The following DNAAF9 variants were observed in gnomAD, a reference collection of about 807,000 sequenced individuals.
DNAAF9 encodes shulin.
A neutral mutation model predicts 167.0 loss-of-function variants in DNAAF9; 90 were observed. The observed-to-expected ratio is 0.54, with a 90% confidence interval of 0.45 to 0.64. The LOEUF is 0.64. Among genes scored for constraint, DNAAF9 ranks in the 30% least tolerant of loss-of-function variants. DNAAF9 has a pLI of 0.00. For missense variants in DNAAF9, 1,315 were observed against 1,442.2 expected (o/e 0.91, Z 1.43); for synonymous variants, 491 against 508.8 (o/e 0.96, Z 0.47).
At chr20:3,378,903 C>T (rs1182317706) in intron 3 of DNAAF9, among the ~76,000 whole-genome samples, 1 of 148,442 alleles carries the variant, frequency 6.7e-6, no homozygotes, top group Non-Finnish European at 1.5e-5. Context: ...CCAGGGAACA[C>T]AGGATGTAGC....
In DNAAF9 at chr20:3,387,884, T is replaced by TAAAAAAAAAAA. The variant is rs557861791; in HGVS notation, c.84-5389_84-5379dup. On this transcript the variant is annotated intron_variant, in intron 1 of 36. Coordinates refer to ENST00000252032, the MANE Select transcript of DNAAF9 (RefSeq NM_001009984.3). ...AGGGAGACCCTGTCTCTACAAAAAG[T>TAAAAAAAAAAA]AAAAAAAAAAAAAAAAAAAAAAAAA... 1.5e-3 allele frequency among the ~76,000 whole-genome samples: 128 copies of TAAAAAAAAAAA among 87,356 alleles called. 4 individuals carry two copies. The highest frequency in any genetic ancestry group is 1.8e-3 in the Non-Finnish European group (83 of 46,748). 57.3% of individuals were successfully genotyped at this position (87,356 alleles called of 152,430 possible).
At chr20:3,281,558 A>G in intron 28 of DNAAF9, 83 bp downstream of exon 28, 1 of 1,327,684 alleles carries the variant, frequency 7.5e-7, no homozygotes, top group Non-Finnish European at 1.0e-6. Context: ...AAGGTGACTA[A>G]TGCATTCCAA....
intron 20 of DNAAF9, among the ~76,000 whole-genome samples, chr20:3,308,564 G>A (rs369384436): frequency 7.2e-5 from 11 of 151,914 alleles, no homozygotes; most frequent in Middle Eastern, 3.4e-3. Context: ...GGCTAGTCTC[G>A]AACTCCTGAC....
chr20:3,268,920 T>A (rs9784197), intron 30 of DNAAF9, among the ~76,000 whole-genome samples: 2 of 126,952 alleles, frequency 1.6e-5, no homozygotes, highest in African/African-American at 6.0e-5. Flanking sequence ...TTTTTTTTTT[T>A]TGAGACAGAG....
At chr20:3,281,881 G>C in intron 27 of DNAAF9, 115 bp from the exon 28 acceptor site, 2 of 996,868 alleles carry the variant, frequency 2.0e-6, no homozygotes, top group Admixed American at 4.8e-5. Context: ...AAAAGGAAGA[G>C]CCCGCAATCT....
rs2069112732 is a variant in DNAAF9 at position 3,298,009 on chromosome 20, T to G, written c.1929+20A>C. Reference sequence around the variant, plus strand: ...GAAAAAAAAGTAGTAGTAGTTTTGCTGAATAATGACTGATATTACCTCTGA... The same window carrying G: ...GAAAAAAAAGTAGTAGTAGTTTTGCGGAATAATGACTGATATTACCTCTGA... On this transcript the variant is annotated intron_variant, in intron 22 of 36. Transcript: ENST00000252032. 1 of 1,599,220 alleles carries G rather than the reference T, an allele frequency of 6.3e-7. No homozygotes were observed. Among genetic ancestry groups the G allele is most frequent in the Non-Finnish European group, 8.6e-7 (1 of 1,167,660 alleles).
chr20:3,291,375 C>T (rs1196601777), intron 25 of DNAAF9, among the ~76,000 whole-genome samples: 31 of 144,976 alleles, frequency 2.1e-4, no homozygotes, highest in Non-Finnish European at 3.4e-4. Flanking sequence ...GACGGAGTCT[C>T]GCTCCGTCGC....
chr20:3,318,486 T>C, intron 16 of DNAAF9, 86 bp from the exon 17 acceptor site: 1 of 707,722 alleles, frequency 1.4e-6, no homozygotes, highest in South Asian at 1.6e-5. Context: ...AAATACTGCC[T>C]AAAGGAACAT....
At chr20:3,391,307 C>T (rs1311829663) in intron 1 of DNAAF9, among the ~76,000 whole-genome samples, 1 of 151,958 alleles carries the variant, frequency 6.6e-6, no homozygotes, top group African/African-American at 2.4e-5. Flanking sequence ...TAATTATTTA[C>T]CTTTTAATTA....
Position 3,259,552 on chromosome 20 carries a change from T to G in DNAAF9, c.2983A>C (p.Ile995Leu), listed in dbSNP as rs368705348. 1.9e-6 allele frequency: 3 copies of G among 1,609,294 alleles called. No individual in the cohort carries two copies. The highest frequency in any genetic ancestry group is 1.7e-5 in the Admixed American group (1 of 60,006). The change falls in exon 33 of 37, where the codon ATT (isoleucine) becomes CTT (leucine). Residue 995 changes from isoleucine (I) to leucine (L), a missense_variant and splice_region_variant. This residue lies in a region of DNAAF9 where 334 missense variants were observed against 429.7 expected (regional missense o/e 0.78). Coordinates refer to ENST00000252032, the MANE Select transcript of DNAAF9 (RefSeq NM_001009984.3). The stretch of plus-strand genomic sequence containing the variant: ...GGACTTGGCTTGATGGAGGACTGAA[T>G]TGCTGGTGGAAGAAGAGGACAGCGC... ...KTRFVAKCKA[I>L]QSSIKPSPFS... is the part of the protein sequence containing the mutation.
intron 7 of DNAAF9, among the ~76,000 whole-genome samples, chr20:3,353,385 CA>C (rs977476639): frequency 1.3e-5 from 2 of 152,046 alleles, no homozygotes; most frequent in African/African-American, 4.8e-5. Context: ...GTGGCTCATC[CA>C]CTTTGGGAGT....
intron 10 of DNAAF9, among the ~76,000 whole-genome samples, 162 bp from the exon 11 acceptor site, chr20:3,332,523 A>C (rs1396071103): frequency 6.6e-6 from 1 of 151,556 alleles, no homozygotes; most frequent in African/African-American, 2.4e-5. Context: ...GCGCAATCTC[A>C]GATCATTGCA....
Position 3,269,957 on chromosome 20 carries a change from CA to C in DNAAF9, c.2786+469del, listed in dbSNP as rs535165977. 3.8e-3 allele frequency among the ~76,000 whole-genome samples: 347 copies of C among 92,112 alleles called. 1 individual carries two copies. Among genetic ancestry groups the C allele is most frequent in the African/African-American group, 7.8e-3 (197 of 25,158 alleles). 60.4% of individuals were successfully genotyped at this position (92,112 alleles called of 152,430 possible). Reference sequence around the variant, plus strand: ...TGGACGACAGAGGGAGACTCCGTCTCAAAAAAAAAAAAAACACTTCAAAAAC... The same window carrying C: ...TGGACGACAGAGGGAGACTCCGTCTCAAAAAAAAAAAAACACTTCAAAAAC... On this transcript the variant is annotated intron_variant, in intron 30 of 36. Transcript: ENST00000252032.
In DNAAF9 at chr20:3,260,010, AT is replaced by A. The variant is rs773149876; in HGVS notation, c.2891del (p.Asn964MetfsTer8). The stretch of plus-strand genomic sequence containing the variant: ...CCATTAGGGGATAGACTGATCCAGC[AT>A]TCAATTTACCTTCATACCTTAAAAG... ...MYPGWYEGKLNAGSVYPLMVQ... is the reference protein window; with the variant it reads ...MYPGWYEGKLXAGSVYPLMVQ... On this transcript the variant is annotated frameshift_variant, in exon 32 of 37. Transcript: ENST00000252032. LOFTEE classifies it high-confidence loss of function. 4.3e-6 allele frequency: 7 copies of A among 1,609,384 alleles called. No homozygotes were observed. Among genetic ancestry groups the A allele is most frequent in the African/African-American group, 1.3e-5 (1 of 74,842 alleles).
At chr20:3,313,353 T>C (rs1490431771) in intron 20 of DNAAF9, among the ~76,000 whole-genome samples, 1 of 152,234 alleles carries the variant, frequency 6.6e-6, no homozygotes, top group Non-Finnish European at 1.5e-5. Flanking sequence ...CAGAACTCCT[T>C]GTGCTTTGTC....
At chr20:3,406,557 CACAA>C (rs2084057713) in intron 1 of DNAAF9, among the ~76,000 whole-genome samples, 1 of 152,158 alleles carries the variant, frequency 6.6e-6, no homozygotes, top group South Asian at 2.1e-4. Context: ...CCAGCTCCAT[CACAA>C]ACAATGCCCA....
chr20:3,316,851 G>T, intron 17 of DNAAF9, 58 bp from the exon 18 acceptor site: 1 of 1,240,200 alleles, frequency 8.1e-7, no homozygotes, highest in Non-Finnish European at 1.2e-6. Context: ...CTGCCTTGCA[G>T]GCCCCAGACC....
intron 1 of DNAAF9, among the ~76,000 whole-genome samples, chr20:3,383,902 G>A (rs369774415): frequency 7.3e-5 from 11 of 151,144 alleles, no homozygotes; most frequent in African/African-American, 2.4e-4. Flanking sequence ...GGGTCCAAGC[G>A]ACTCTCATGC....
Position 3,251,145 on chromosome 20 carries a change from T to G in DNAAF9, c.*1427A>C, listed in dbSNP as rs2068187990. 6.6e-6 allele frequency: 1 copy of G among 152,016 alleles called. No individual in the cohort carries two copies. Among genetic ancestry groups the G allele is most frequent in the African/African-American group, 2.4e-5 (1 of 41,404 alleles). The allele number at this position is 152,016 out of a possible 1,614,324, so 9.4% of individuals were successfully genotyped here. On this transcript the variant is annotated 3_prime_UTR_variant, in exon 37 of 37. Transcript: ENST00000252032. The stretch of plus-strand genomic sequence containing the variant: ...TTGTTCATTTGGCTTCAAATTGTTT[T>G]TTTTTTTTTTCTAATATATTTTACT...
Sources: gnomAD v4.1 joint callset for allele counts (sites outside exome capture counted in the v4.1 genomes callset) on GRCh38, gnomAD v4.1.1 for gene constraint, gnomAD v4.1.1 regional missense constraint, MANE v1.5 for transcripts, NCBI Gene and HGNC (gene_info 2026-07-23, HGNC 2026-07-21) for gene names.